OPCML: variants seen among roughly 807,000 people sequenced by gnomAD.
The protein encoded by OPCML is opioid-binding protein/cell adhesion molecule.
OPCML carries 13 observed loss-of-function variants against 37.8 expected under a neutral mutation model. That is an observed-to-expected ratio of 0.34 (90% CI 0.22 to 0.55). The LOEUF is 0.55. Ranked by LOEUF, OPCML falls within the 20% of genes least tolerant of loss-of-function variation. The pLI is 0.91. For missense variants in OPCML, 341 were observed against 435.6 expected, an observed-to-expected ratio of 0.78 and a Z score of 1.93; for synonymous variants, 176 against 168.8, an observed-to-expected ratio of 1.04 and a Z score of -0.33.
At chr11:133,231,308 G>A (rs1052043129) in intron 1 of OPCML, among the ~76,000 whole-genome samples, 3 of 152,088 alleles carry the variant, frequency 2.0e-5, no homozygotes, top group Non-Finnish European at 4.4e-5. Context: ...GCAGCATGGG[G>A]AAAAGAATGG....
chr11:133,022,954 A>T (rs1409080392), intron 1 of OPCML, among the ~76,000 whole-genome samples: 1 of 152,204 alleles, frequency 6.6e-6, no homozygotes, highest in Non-Finnish European at 1.5e-5. Context: ...TTTGCTGCTG[A>T]GCCTGCTCAT....
At chr11:133,353,109 T>G (rs1232268751) in intron 1 of OPCML, among the ~76,000 whole-genome samples, 1 of 152,218 alleles carries the variant, frequency 6.6e-6, no homozygotes, top group Non-Finnish European at 1.5e-5. Flanking sequence ...AGAATTTGCC[T>G]CAGAATCACA....
At chr11:132,424,547 C>T (rs144923857) in intron 7 of OPCML, among the ~76,000 whole-genome samples, 1 of 152,270 alleles carries the variant, frequency 6.6e-6, no homozygotes, top group East Asian at 1.9e-4. Flanking sequence ...GAGAAAACAT[C>T]CCTAGGGACC....
intron 2 of OPCML, among the ~76,000 whole-genome samples, chr11:132,775,922 T>C (rs750103447): frequency 6.6e-6 from 1 of 152,200 alleles, no homozygotes; most frequent in Non-Finnish European, 1.5e-5. Flanking sequence ...GGCTGTCACA[T>C]GACCCCAGTG....
At chr11:133,251,289 G>T (rs964088175) in intron 1 of OPCML, among the ~76,000 whole-genome samples, 2 of 152,034 alleles carry the variant, frequency 1.3e-5, no homozygotes, top group African/African-American at 4.8e-5. Flanking sequence ...CAGAAAAAAA[G>T]GATTATATGG....
At chr11:132,888,124 A>G (rs993192691) in intron 2 of OPCML, among the ~76,000 whole-genome samples, 2 of 152,136 alleles carry the variant, frequency 1.3e-5, no homozygotes. Context: ...AGGCACAAGG[A>G]AAAGCAGGGT....
chr11:133,026,337 G>A, intron 1 of OPCML: 5 of 964,962 alleles, frequency 5.2e-6, no homozygotes, highest in Non-Finnish European at 6.2e-6. Flanking sequence ...TAGTTTTCCT[G>A]AGACTTATCC....
In OPCML at chr11:132,420,053, T is replaced by TAAACAAAACA. The variant is rs1307897687; in HGVS notation, c.*139_*140insTGTTTTGTTT. The stretch of plus-strand genomic sequence containing the variant: ...CTGGAAATAAAAGCAAACAAACAAA[T>TAAACAAAACA]AAACAAAAACAAAAAGAAAACAAAT... On this transcript the variant is annotated 3_prime_UTR_variant, in exon 8 of 8. Coordinates refer to ENST00000524381, the MANE Select transcript of OPCML (RefSeq NM_001012393.5). The TAAACAAAACA allele has an allele frequency of 9.0e-5, 22 of 244,556 alleles. No individual in the cohort carries two copies. The highest frequency in any genetic ancestry group is 1.8e-4 in the Admixed American group (2 of 11,274). 15.1% of individuals were successfully genotyped at this position (244,556 alleles called of 1,614,324 possible). A position where few individuals can be genotyped will look rare whatever the true frequency, so the allele number is the denominator to read the frequency against.
intron 1 of OPCML, chr11:133,005,233 AT>A (rs1264344136): frequency 2.0e-6 from 2 of 985,268 alleles, no homozygotes; most frequent in African/African-American, 3.5e-5. Context: ...GGGAGAGACG[AT>A]TTTAAAAGAT....
At chr11:132,623,423 A>G (rs896319162) in intron 3 of OPCML, among the ~76,000 whole-genome samples, 2 of 152,082 alleles carry the variant, frequency 1.3e-5, no homozygotes, top group African/African-American at 4.8e-5. Context: ...TTGGGGGAAA[A>G]AAAAGAGAAA....
chr11:133,201,732 C>A (rs76358715), intron 1 of OPCML, among the ~76,000 whole-genome samples: 3,561 of 152,216 alleles, frequency 0.023, 82 homozygotes, highest in African/African-American at 0.066. Flanking sequence ...ACTTGGAGGA[C>A]TTTGTTCTCA....
intron 1 of OPCML, among the ~76,000 whole-genome samples, chr11:133,101,881 C>A (rs1949089119): frequency 6.6e-6 from 1 of 151,994 alleles, no homozygotes. Flanking sequence ...TATTATAGAG[C>A]ACCGAGAAGG....
At chr11:132,520,797 T>C (rs2096291372) in intron 4 of OPCML, among the ~76,000 whole-genome samples, 1 of 152,076 alleles carries the variant, frequency 6.6e-6, no homozygotes, top group Non-Finnish European at 1.5e-5. Flanking sequence ...TTTGGGTTGG[T>C]TCCAAGTCTT....
chr11:133,475,112 G>A (rs572085422), intron 1 of OPCML, among the ~76,000 whole-genome samples: 8 of 152,058 alleles, frequency 5.3e-5, no homozygotes, highest in South Asian at 4.1e-4. Context: ...GAAATATTTC[G>A]GCAGTTTTTA....
At chr11:132,606,131 G>C (rs1297154734) in intron 3 of OPCML, among the ~76,000 whole-genome samples, 1 of 152,086 alleles carries the variant, frequency 6.6e-6, no homozygotes, top group Middle Eastern at 3.2e-3. Flanking sequence ...AAAAGATAAG[G>C]TAATGAGAAT....
intron 4 of OPCML, among the ~76,000 whole-genome samples, chr11:132,489,327 C>G (rs1167017569): frequency 6.6e-6 from 1 of 152,042 alleles, no homozygotes; most frequent in Non-Finnish European, 1.5e-5. Context: ...CTTTGGGATC[C>G]CTCCTGAAGG....
intron 1 of OPCML, among the ~76,000 whole-genome samples, chr11:133,243,263 A>C (rs1592136166): frequency 6.6e-6 from 1 of 152,180 alleles, no homozygotes; most frequent in Non-Finnish European, 1.5e-5. Flanking sequence ...GGCCAAATGA[A>C]GTGCCTGGAG....
intron 2 of OPCML, among the ~76,000 whole-genome samples, chr11:132,792,702 C>T (rs1477969137): frequency 9.2e-5 from 14 of 152,148 alleles, no homozygotes; most frequent in African/African-American, 2.9e-4. Flanking sequence ...CCCCCACCTG[C>T]GGCCCCCAGG....
At chr11:133,107,186 G>A (rs978719002) in intron 1 of OPCML, among the ~76,000 whole-genome samples, 2 of 152,174 alleles carry the variant, frequency 1.3e-5, no homozygotes, top group East Asian at 1.9e-4. Flanking sequence ...AGTGTCAGTG[G>A]TGAACACGTG....
Sources: allele counts gnomAD v4.1 joint callset (sites outside exome capture counted in the v4.1 genomes callset), GRCh38; gene constraint gnomAD v4.1.1; transcripts MANE v1.5; gene names NCBI Gene and HGNC (gene_info 2026-07-23, HGNC 2026-07-21).